The following SCN2A variants were observed in gnomAD, a reference collection of about 807,000 sequenced individuals.
The protein encoded by SCN2A is sodium voltage-gated channel alpha subunit 2, also known as sodium channel protein type 2 subunit alpha.
A neutral mutation model predicts 188.7 loss-of-function variants in SCN2A; 20 were observed. The ratio of observed to expected loss-of-function variants is 0.11; its 90% confidence interval spans 0.07 to 0.15. The LOEUF is 0.15. Ranked by LOEUF, SCN2A falls within the 10% of genes least tolerant of loss-of-function variation. The probability of loss-of-function intolerance (pLI) is 1.00; values close to 1 mark genes in which losing one functional copy is unlikely to be tolerated. For synonymous variants in SCN2A, 804 were observed against 833.1 expected (o/e 0.97, Z 0.60); for missense variants, 1,278 against 2,445.0 (o/e 0.52, Z 10.07).
chr2:165,272,813 G>C (rs353121), intron 1 of SCN2A: 1 of 151,094 alleles, frequency 6.6e-6, no homozygotes. Context: ...CACAAATACA[G>C]TGCGCTATAC....
intron 16 of SCN2A, among the ~76,000 whole-genome samples, chr2:165,347,301 A>G (rs566865678): frequency 5.6e-4 from 85 of 152,292 alleles, no homozygotes; most frequent in African/African-American, 2.0e-3. Flanking sequence ...AGGGACATGG[A>G]TGAAGCTGGA....
chr2:165,266,578 A>G (rs1487261911), intron 1 of SCN2A: 1 of 152,094 alleles, frequency 6.6e-6, no homozygotes, highest in Non-Finnish European at 1.5e-5. Context: ...TCAAACTTCA[A>G]ATTGTATTGA....
At chr2:165,309,620 T>G (rs1358956079) in intron 6 of SCN2A, among the ~76,000 whole-genome samples, 177 bp downstream of exon 6, 1 of 152,294 alleles carries the variant, frequency 6.6e-6, no homozygotes, top group Admixed American at 6.5e-5. Flanking sequence ...GTTGCTTTCT[T>G]TAAAACTATT....
intron 1 of SCN2A, among the ~76,000 whole-genome samples, chr2:165,248,007 G>A (rs1456819886): frequency 6.6e-6 from 1 of 151,904 alleles, no homozygotes; most frequent in African/African-American, 2.4e-5. Context: ...TCTTATATCT[G>A]ACATTCAGTC....
intron 1 of SCN2A, chr2:165,272,187 A>C (rs1467393421): frequency 2.6e-5 from 4 of 152,134 alleles, no homozygotes; most frequent in Non-Finnish European, 5.9e-5. Context: ...GCATGAAAAC[A>C]CTAAGCAAAA....
intron 16 of SCN2A, among the ~76,000 whole-genome samples, chr2:165,345,255 G>T (rs1181834825): frequency 6.6e-6 from 1 of 152,164 alleles, no homozygotes; most frequent in Non-Finnish European, 1.5e-5. Flanking sequence ...AAACGTTTCA[G>T]ATTTGGTTTT....
chr2:165,258,164 A>C (rs1694414552), intron 1 of SCN2A, among the ~76,000 whole-genome samples: 1 of 152,118 alleles, frequency 6.6e-6, no homozygotes, highest in African/African-American at 2.4e-5. Context: ...AAATTCTTAA[A>C]TTTAATTACA....
intron 23 of SCN2A, 138 bp from the exon 24 acceptor site, chr2:165,380,454 G>A (rs1701542906): frequency 1.6e-6 from 1 of 632,456 alleles, no homozygotes; most frequent in South Asian, 2.0e-5. Flanking sequence ...GAGATTTGAA[G>A]GTTCATAAAA....
At chr2:165,293,872 T>C in intron 1 of SCN2A, 1 of 985,052 alleles carries the variant, frequency 1.0e-6, no homozygotes, top group Non-Finnish European at 1.2e-6. Context: ...TGTGAAGGTG[T>C]TTCTCTTCAC....
In SCN2A at chr2:165,381,159, G is replaced by A. The variant is rs914104579; in HGVS notation, c.4513G>A (p.Gly1505Ser). 5 of 1,589,786 alleles carry A rather than the reference G, an allele frequency of 3.1e-6. No individual in the cohort carries two copies. Among genetic ancestry groups the A allele is most frequent in the Non-Finnish European group, 4.3e-6 (5 of 1,166,618 alleles). Residue 1505 changes from glycine to serine, a missense_variant, in exon 25 of 27, where the codon GGT becomes AGT. Around this residue, in one of 17 missense-constraint regions of SCN2A, gnomAD observed 97 missense variants for 266.1 expected, o/e 0.36. Transcript: ENST00000375437. ...KKYYNAMKKL[G>S]SKKPQKPIPR... ...ATACTACAATGCAATGAAAAAACTG[G>A]GTTCAAAGAAACCACAAAAACCCAT...
At chr2:165,346,388 G>A (rs186514146) in intron 16 of SCN2A, among the ~76,000 whole-genome samples, 2 of 152,058 alleles carry the variant, frequency 1.3e-5, no homozygotes, top group Non-Finnish European at 2.9e-5. Context: ...CATGTTTCTT[G>A]GAGACTTTGT....
rs77014626 is a variant in SCN2A at position 165,262,024 on chromosome 2, G to C, written c.-52+22384G>C. On this transcript the variant is annotated intron_variant, in intron 1 of 26. Coordinates refer to ENST00000375437, the MANE Select transcript of SCN2A (RefSeq NM_001040142.2). ...CCAGATATCTATTCTGCCTGGGAAAGGTAAAAGGATACACATTATGGTTGC... is the reference window on the plus strand; with the variant it reads ...CCAGATATCTATTCTGCCTGGGAAACGTAAAAGGATACACATTATGGTTGC... 8.8e-3 allele frequency among the ~76,000 whole-genome samples: 1,337 copies of C among 152,222 alleles called. 23 individuals are homozygous for C. The highest frequency in any genetic ancestry group is 0.063 in the East Asian group (324 of 5,166).
chr2:165,295,349 A>G (rs1696450876), intron 1 of SCN2A, among the ~76,000 whole-genome samples: 1 of 152,248 alleles, frequency 6.6e-6, no homozygotes, highest in East Asian at 1.9e-4. Flanking sequence ...TCCTCAGCTC[A>G]GGTTCTACAA....
intron 17 of SCN2A, among the ~76,000 whole-genome samples, chr2:165,359,965 T>C (rs1317321827): frequency 6.6e-6 from 1 of 151,974 alleles, no homozygotes; most frequent in Non-Finnish European, 1.5e-5. Flanking sequence ...CTGGATAATA[T>C]AGTATACTGT....
chr2:165,391,284 A>G lies in SCN2A; in HGVS notation c.*1460A>G, dbSNP rs1702111840. Reference sequence around the variant, plus strand: ...TCTTCCAACCTTAATTGAACACTCAATGATGAAAAGCCCGACTGTACAAAC... The same window carrying G: ...TCTTCCAACCTTAATTGAACACTCAGTGATGAAAAGCCCGACTGTACAAAC... On this transcript the variant is annotated 3_prime_UTR_variant, in exon 27 of 27. Transcript: ENST00000375437. 2 of 152,532 alleles carry G rather than the reference A, an allele frequency of 1.3e-5. No individual in the cohort carries two copies. Among genetic ancestry groups the G allele is most frequent in the South Asian group, 2.1e-4 (1 of 4,834 alleles). 9.4% of individuals were successfully genotyped at this position (152,532 alleles called of 1,614,324 possible).
chr2:165,373,977 A>G (rs1037959642), intron 21 of SCN2A, among the ~76,000 whole-genome samples: 5 of 152,138 alleles, frequency 3.3e-5, no homozygotes, highest in South Asian at 2.1e-4. Context: ...TAAAAAAATG[A>G]TACTTTTTGT....
chr2:165,251,387 T>G (rs1265138735), intron 1 of SCN2A, among the ~76,000 whole-genome samples: 2 of 152,000 alleles, frequency 1.3e-5, no homozygotes, highest in Non-Finnish European at 2.9e-5. Flanking sequence ...AAGAAAAAAG[T>G]CAAAGGGTGT....
At chr2:165,244,149 G>A (rs1693743165) in intron 1 of SCN2A, among the ~76,000 whole-genome samples, 1 of 152,076 alleles carries the variant, frequency 6.6e-6, no homozygotes, top group Non-Finnish European at 1.5e-5. Context: ...GGCCGGGGCA[G>A]GAGAATCACT....
At position 165,365,146 on chromosome 2, in the gene SCN2A, C is replaced by T; in HGVS notation, c.3403C>T (p.Leu1135=). The T allele has an allele frequency of 6.2e-7, 1 of 1,612,390 alleles. No homozygotes were observed. Among genetic ancestry groups the T allele is most frequent in the Non-Finnish European group, 8.5e-7 (1 of 1,178,962 alleles). ...TTTTTGTGGGATTGATTTTCAGAAGCTAAATGCAACTAGTTCATCTGAAGG... is the reference window on the plus strand; with the variant it reads ...TTTTTGTGGGATTGATTTTCAGAAGTTAAATGCAACTAGTTCATCTGAAGG... ...ESDMEESKEK[L]NATSSSEGST... is the part of the protein sequence containing the mutation. The change falls in exon 18 of 27, where the codon CTA becomes TTA. Residue 1135 remains leucine, a synonymous_variant. Transcript: ENST00000375437.
Sources: allele counts gnomAD v4.1 joint callset (sites outside exome capture counted in the v4.1 genomes callset), GRCh38; gene constraint gnomAD v4.1.1; regional missense constraint gnomAD v4.1.1; transcripts MANE v1.5; gene names NCBI Gene and HGNC (gene_info 2026-07-23, HGNC 2026-07-21).